Variants in TAF6L observed in about 807,000 individuals in gnomAD.
TAF6L encodes TATA-box binding protein associated factor 6 like, also known as TAF6-like RNA polymerase II p300/CBP-associated factor-associated factor 65 kDa subunit 6L.
In TAF6L, 34 loss-of-function variants were observed where a neutral mutation model predicts 57.3. The observed-to-expected ratio is 0.59, with a 90% confidence interval of 0.45 to 0.79. The LOEUF is 0.79. TAF6L is among the 30% of genes least tolerant of loss of function. The pLI, the probability that TAF6L is intolerant of heterozygous loss-of-function variation, is 0.00. For missense variants in TAF6L, 782 were observed against 853.2 expected, an observed-to-expected ratio of 0.92 and a Z score of 1.04; for synonymous variants, 417 against 376.3, an observed-to-expected ratio of 1.11 and a Z score of -1.25.
chr11:62,778,579 G>T, intron 5 of TAF6L: 1 of 621,130 alleles, frequency 1.6e-6, no homozygotes, highest in Non-Finnish European at 2.8e-6. Flanking sequence ...CAGCATGCTG[G>T]GGCGGTGTTT....
intron 9 of TAF6L, among the ~76,000 whole-genome samples, chr11:62,785,622 C>T (rs1319228094): frequency 4.0e-5 from 6 of 150,422 alleles, no homozygotes; most frequent in African/African-American, 9.8e-5. Context: ...GCAACCTCTG[C>T]CCCCCGAGTT....
At chr11:62,781,569 G>A (rs2084230060) in intron 6 of TAF6L, among the ~76,000 whole-genome samples, 1 of 151,718 alleles carries the variant, frequency 6.6e-6, no homozygotes, top group South Asian at 2.1e-4. Context: ...AGCTACTCGG[G>A]AGGCTGAGGC....
intron 10 of TAF6L, 57 bp downstream of exon 10, chr11:62,786,445 G>T: frequency 1.3e-6 from 2 of 1,597,384 alleles, no homozygotes; most frequent in African/African-American, 2.7e-5. Flanking sequence ...AGCCAAGCAG[G>T]CTTACTTTGG....
At chr11:62,784,070 C>T (rs1288478149) in intron 9 of TAF6L, among the ~76,000 whole-genome samples, 1 of 21,132 alleles carries the variant, frequency 4.7e-5, no homozygotes, top group African/African-American at 2.0e-4. Flanking sequence ...CTCACTGCAA[C>T]CTCCACCTCC....
In TAF6L at chr11:62,786,693, G is replaced by A. The variant is rs1049674858; in HGVS notation, c.1266G>A (p.Pro422=). The change falls in exon 11 of 11, where the codon CCG becomes CCA. Residue 422 remains proline (P), a synonymous_variant. Coordinates refer to ENST00000294168, the MANE Select transcript of TAF6L (RefSeq NM_006473.4). ...EPSFGSGLPL[P]PGGAGPEDPS... ...GCTTTGGGTCCGGCCTCCCGCTGCC[G>A]CCAGGGGGCGCGGGGCCGGAGGACC... 3 of 1,612,250 alleles carry A rather than the reference G, an allele frequency of 1.9e-6. No individual in the cohort carries two copies. Among genetic ancestry groups the A allele is most frequent in the East Asian group, 4.5e-5 (2 of 44,856 alleles).
intron 6 of TAF6L, among the ~76,000 whole-genome samples, chr11:62,780,569 CAAAG>C (rs953853323): frequency 6.6e-6 from 1 of 151,548 alleles, no homozygotes; most frequent in Non-Finnish European, 1.5e-5. Context: ...AACTCCGTCT[CAAAG>C]AAAAACGAAA....
chr11:62,786,535 C>G lies in TAF6L; in HGVS notation c.1108C>G (p.Leu370Val), dbSNP rs749550969. The G allele has an allele frequency of 6.4e-7, 1 of 1,552,286 alleles. No individual in the cohort carries two copies. Among genetic ancestry groups the G allele is most frequent in the South Asian group, 1.2e-5 (1 of 81,534 alleles). ...GAILVAVERL[L>V]KMKAQAAEPN... ...CTTACAGGTGGCGGTAGAGCGACTG[C>G]TGAAGATGAAGGCCCAGGCAGCAGA... is the stretch of plus-strand genomic sequence containing the variant. Residue 370 changes from leucine (L) to valine (V), a missense_variant, in exon 11 of 11, where the codon CTG becomes GTG. Around this residue, in one of 3 missense-constraint regions of TAF6L, gnomAD observed 483 missense variants for 445.1 expected, o/e 1.09. Coordinates refer to ENST00000294168, the MANE Select transcript of TAF6L (RefSeq NM_006473.4).
At chr11:62,782,551 C>A in intron 8 of TAF6L, 142 bp from the exon 9 acceptor site, 1 of 1,279,656 alleles carries the variant, frequency 7.8e-7, no homozygotes, top group Non-Finnish European at 1.1e-6. Context: ...GGTCCTAGGC[C>A]AGTCACCCCT....
chr11:62,772,486 G>A (rs1487108573), intron 1 of TAF6L, among the ~76,000 whole-genome samples: 3 of 148,432 alleles, frequency 2.0e-5, no homozygotes, highest in Non-Finnish European at 3.0e-5. Flanking sequence ...TCACGCCACT[G>A]TACTCCAGCC....
Position 62,778,331 on chromosome 11 carries a change from A to G in TAF6L, c.432A>G (p.Gly144=), listed in dbSNP as rs754521799. ...LDGKGNLAPQ[G]SVPSAVSSLT... Reference sequence around the variant, plus strand: ...GCAAAGGGAACCTGGCACCTCAAGGATCGGGTAAGGGGTGATGTAGGAAAC... The same window carrying G: ...GCAAAGGGAACCTGGCACCTCAAGGGTCGGGTAAGGGGTGATGTAGGAAAC... Residue 144 remains glycine (G), a synonymous_variant, in exon 5 of 11, where the codon GGA becomes GGG. Coordinates refer to ENST00000294168, the MANE Select transcript of TAF6L (RefSeq NM_006473.4). The G allele has an allele frequency of 6.8e-5, 109 of 1,613,990 alleles. No individual in the cohort carries two copies. The Admixed American group carries it at 1.8e-3, about 26-fold the overall frequency.
In TAF6L at chr11:62,786,244, C is replaced by G. The variant is rs771970779; in HGVS notation, c.961-16C>G. ...TATCAAAGACATGCTAACTGTATTCCTTCTCTTCCTTCCAGGCAGTAGAAC... is the reference window on the plus strand; with the variant it reads ...TATCAAAGACATGCTAACTGTATTCGTTCTCTTCCTTCCAGGCAGTAGAAC... On this transcript the variant is annotated splice_polypyrimidine_tract_variant and intron_variant, in intron 9 of 10. Coordinates refer to ENST00000294168, the MANE Select transcript of TAF6L (RefSeq NM_006473.4). 3 of 1,606,112 alleles carry G rather than the reference C, an allele frequency of 1.9e-6. No homozygotes were observed. The Admixed American group carries it at 5.0e-5, about 27-fold the overall frequency.
chr11:62,775,101 A>G (rs993840463), intron 1 of TAF6L, among the ~76,000 whole-genome samples: 1 of 151,904 alleles, frequency 6.6e-6, no homozygotes, highest in African/African-American at 2.4e-5. Context: ...GGTAATGTAT[A>G]AAGGAAAGAG....
rs773379490 is a variant in TAF6L, at chr11:62,787,253, G to C, written c.1826G>C (p.Arg609Pro). 6.4e-7 allele frequency: 1 copy of C among 1,566,046 alleles called. No individual in the cohort carries two copies. Among genetic ancestry groups the C allele is most frequent in the Admixed American group, 1.8e-5 (1 of 55,446 alleles). ...ATCGGCCGTACCAGCCGCCCCGCCC[G>C]CCGGTGGGCGCTCTCGGACTACTCG... Reference protein sequence around the residue: ...PMIGRTSRPARRWALSDYSLY... With the variant: ...PMIGRTSRPAPRWALSDYSLY... The change falls in exon 11 of 11, where the codon CGC (arginine) becomes CCC (proline). Residue 609 changes from arginine to proline, a missense_variant. By Grantham distance (103) the Arg-to-Pro change is moderately radical. Coordinates refer to ENST00000294168, the MANE Select transcript of TAF6L (RefSeq NM_006473.4).
chr11:62,771,935 G>A (rs1286173142), intron 1 of TAF6L: 3 of 357,496 alleles, frequency 8.4e-6, no homozygotes, highest in Non-Finnish European at 1.1e-5. Flanking sequence ...TCACCAAGGG[G>A]TGGGTCTCCA....
chr11:62,774,795 A>G, intron 1 of TAF6L: 1 of 344,344 alleles, frequency 2.9e-6, no homozygotes. Flanking sequence ...CTAAAAATAC[A>G]AAAATTAGCT....
chr11:62,782,340 A>G lies in TAF6L; in HGVS notation c.827+7A>G, dbSNP rs145152339. Reference sequence around the variant, plus strand: ...TGCTCAGCCACATCTTCTGGTAGCCACTGGGCCTAAACCTGCGGGTGGGAT... The same window carrying G: ...TGCTCAGCCACATCTTCTGGTAGCCGCTGGGCCTAAACCTGCGGGTGGGAT... On this transcript the variant is annotated splice_region_variant and intron_variant, in intron 8 of 10. Transcript: ENST00000294168. The G allele has an allele frequency of 5.7e-4, 920 of 1,612,628 alleles. 3 individuals are homozygous for G. In the African/African-American group the frequency reaches 9.4e-3, roughly 17 times the overall value.
In TAF6L at chr11:62,782,187, G is replaced by A. The variant is rs145739980; in HGVS notation, c.681G>A (p.Pro227=). The change falls in exon 8 of 11, where the codon CCG becomes CCA. Residue 227 remains proline, a synonymous_variant. Transcript: ENST00000294168. ...TGGCACGGAGCCTATTTCGTAATCC[G>A]CACCTGTGCTTGGGGCCCTATGTCC... is the stretch of plus-strand genomic sequence containing the variant. The part of the protein sequence containing the change: ...LQVARSLFRN[P]HLCLGPYVRC... 12 of 1,613,980 alleles carry A rather than the reference G, an allele frequency of 7.4e-6. No individual in the cohort carries two copies. The highest frequency in any genetic ancestry group is 2.2e-5 in the East Asian group (1 of 44,894).
At chr11:62,775,636 A>C in intron 1 of TAF6L, 135 bp from the exon 2 acceptor site, 1 of 917,040 alleles carries the variant, frequency 1.1e-6, no homozygotes, top group Non-Finnish European at 1.6e-6. Context: ...CACTTTCCTC[A>C]TCTGGGTACT....
chr11:62,782,384 G>A (rs2084236969), intron 8 of TAF6L, 51 bp downstream of exon 8: 1 of 1,579,196 alleles, frequency 6.3e-7, no homozygotes. Context: ...AGCCAAGTGG[G>A]TTGGGGTAAG....
Sources: gnomAD v4.1 joint callset for allele counts (sites outside exome capture counted in the v4.1 genomes callset) on GRCh38, gnomAD v4.1.1 for gene constraint, gnomAD v4.1.1 regional missense constraint, MANE v1.5 for transcripts, NCBI Gene and HGNC (gene_info 2026-07-23, HGNC 2026-07-21) for gene names.